Variants in ARHGEF7 observed in about 807,000 individuals in gnomAD.
ARHGEF7 encodes Rho guanine nucleotide exchange factor 7, also known as PAK-interacting exchange factor beta.
Under a neutral mutation model 109.8 loss-of-function variants are expected in ARHGEF7, and 33 were observed. That is an observed-to-expected ratio of 0.30 (90% confidence interval 0.23 to 0.40). The LOEUF is 0.40. Among genes scored for constraint, ARHGEF7 ranks in the 10% least tolerant of loss-of-function variants. ARHGEF7 has a pLI of 1.00. For synonymous variants in ARHGEF7, 458 were observed against 424.6 expected, an observed-to-expected ratio of 1.08 and a Z score of -0.97; for missense variants, 938 against 1,098.5, an observed-to-expected ratio of 0.85 and a Z score of 2.07.
intron 19 of ARHGEF7, chr13:111,295,131 G>A (rs974960938): frequency 1.2e-5 from 12 of 983,992 alleles, no homozygotes; most frequent in Admixed American, 6.2e-5. Flanking sequence ...TGGCAATGAA[G>A]TGTTTGTTTT....
chr13:111,261,655 T>C (rs918203662), intron 8 of ARHGEF7, among the ~76,000 whole-genome samples: 1 of 152,238 alleles, frequency 6.6e-6, no homozygotes, highest in Non-Finnish European at 1.5e-5. Flanking sequence ...GAATGCACAT[T>C]CTTTTCTTAG....
chr13:111,297,263 A>G (rs891075973), intron 19 of ARHGEF7, among the ~76,000 whole-genome samples: 1 of 152,260 alleles, frequency 6.6e-6, no homozygotes, highest in Admixed American at 6.5e-5. Context: ...AGGCGTGTTA[A>G]TAATCCTCAT....
chr13:111,250,861 A>T (rs1223753057), intron 8 of ARHGEF7, among the ~76,000 whole-genome samples: 2 of 152,210 alleles, frequency 1.3e-5, no homozygotes, highest in African/African-American at 4.8e-5. Flanking sequence ...TAGAAGAAAG[A>T]TGTAGGGTAA....
rs183814005 is a variant in ARHGEF7 at position 111,118,435 on chromosome 13, A to G, written c.165+2744A>G. 5.3e-5 allele frequency among the ~76,000 whole-genome samples: 8 copies of G among 152,324 alleles called. No individual in the cohort carries two copies. In the East Asian group the frequency reaches 1.2e-3, roughly 22 times the overall value. On this transcript the variant is annotated intron_variant, in intron 1 of 21. Coordinates refer to ENST00000646102, the MANE Select transcript of ARHGEF7 (RefSeq NM_001354046.2). ...TCAGAAAAGAGACACTTTTCATTAT[A>G]CTGGACAGATGTTTTCTGCTGTAGG... is the stretch of plus-strand genomic sequence containing the variant.
At position 111,115,398 on chromosome 13, in the gene ARHGEF7, CCGAGCCAATCGCCGGCGCCGGCCG is replaced by C; in HGVS notation, c.-127_-104del. 1.6e-6 allele frequency: 1 copy of C among 609,298 alleles called. No individual in the cohort carries two copies. The highest frequency in any genetic ancestry group is 2.0e-6 in the Non-Finnish European group (1 of 489,270). The allele number at this position is 609,298 out of a possible 1,614,324, so 37.7% of individuals were successfully genotyped here. A position where few individuals can be genotyped will look rare whatever the true frequency, so the allele number is the denominator to read the frequency against. On this transcript the variant is annotated 5_prime_UTR_variant, in exon 1 of 22. Transcript: ENST00000646102. ...GCCGGGCCGGACCTGCTGGGCCGCG[CCGAGCCAATCGCCGGCGCCGGCCG>C]CTCGATGGGCGAGGCGGCGGCGGCG...
At chr13:111,184,557 G>A (rs1396560156) in intron 2 of ARHGEF7, among the ~76,000 whole-genome samples, 1 of 152,206 alleles carries the variant, frequency 6.6e-6, no homozygotes, top group Non-Finnish European at 1.5e-5. Context: ...TAGCCGGTCT[G>A]CCTCCTCTCT....
At chr13:111,171,560 C>T (rs2077595759) in intron 2 of ARHGEF7, among the ~76,000 whole-genome samples, 1 of 152,176 alleles carries the variant, frequency 6.6e-6, no homozygotes, top group African/African-American at 2.4e-5. Context: ...AGGAAGTTGG[C>T]TCATTATGTA....
chr13:111,286,394 A>G (rs2093020414), intron 17 of ARHGEF7, among the ~76,000 whole-genome samples, 154 bp downstream of exon 17: 1 of 152,144 alleles, frequency 6.6e-6, no homozygotes, highest in Non-Finnish European at 1.5e-5. Context: ...AAGCCACGTA[A>G]CATTTACCCA....
chr13:111,241,642 AG>A (rs1331107930), intron 6 of ARHGEF7, among the ~76,000 whole-genome samples: 1 of 152,240 alleles, frequency 6.6e-6, no homozygotes, highest in African/African-American at 2.4e-5. Flanking sequence ...TTCTACAACC[AG>A]CGCTTAGTGC....
intron 8 of ARHGEF7, among the ~76,000 whole-genome samples, chr13:111,249,508 C>T (rs1281238400): frequency 6.6e-6 from 1 of 151,784 alleles, no homozygotes; most frequent in Non-Finnish European, 1.5e-5. Context: ...TGTGAGCCTC[C>T]GATTGGCCTC....
chr13:111,120,793 A>T (rs1415824504), intron 1 of ARHGEF7, among the ~76,000 whole-genome samples: 1 of 152,188 alleles, frequency 6.6e-6, no homozygotes, highest in Non-Finnish European at 1.5e-5. Flanking sequence ...TCTCGTTTGC[A>T]GGCGCTGTCC....
chr13:111,166,566 C>T (rs78909819), intron 2 of ARHGEF7, among the ~76,000 whole-genome samples: 1 of 152,158 alleles, frequency 6.6e-6, no homozygotes, highest in East Asian at 1.9e-4. Context: ...GCAGGAGAGA[C>T]TGAATTCTAG....
intron 6 of ARHGEF7, among the ~76,000 whole-genome samples, chr13:111,236,947 C>T (rs547304321): frequency 2.0e-5 from 3 of 152,294 alleles, no homozygotes; most frequent in Middle Eastern, 3.4e-3. Context: ...GCCTGAGCTA[C>T]AGAACAAGAT....
rs2153537128 is a variant in ARHGEF7, at chr13:111,239,127, T to C, written c.760-4745T>C. On this transcript the variant is annotated intron_variant, in intron 6 of 21. Coordinates refer to ENST00000646102, the MANE Select transcript of ARHGEF7 (RefSeq NM_001354046.2). This position sits in a 1 kb window ranked among gnomAD's most constrained non-coding sequence, Gnocchi z 4.3. ...AGGGGAACGCGCTGCGTGCCCCTGC[T>C]CCCCCACACCCCCGTGCCATGATTC... Among the ~76,000 whole-genome samples, 1 of 151,854 alleles carries C rather than the reference T, an allele frequency of 6.6e-6. No individual in the cohort carries two copies. The highest frequency in any genetic ancestry group is 2.1e-4 in the South Asian group (1 of 4,790).
At chr13:111,179,014 T>G (rs1376141543) in intron 2 of ARHGEF7, among the ~76,000 whole-genome samples, 1 of 151,914 alleles carries the variant, frequency 6.6e-6, no homozygotes. Context: ...GTTGGGAGAC[T>G]AGAGTTCGGT....
chr13:111,139,436 C>T (rs2075243705), intron 1 of ARHGEF7, among the ~76,000 whole-genome samples: 1 of 152,250 alleles, frequency 6.6e-6, no homozygotes, highest in South Asian at 2.1e-4. Flanking sequence ...ATGTCTCTGT[C>T]TCTCTCATCT....
intron 5 of ARHGEF7, among the ~76,000 whole-genome samples, chr13:111,225,990 C>G (rs1420110703): frequency 1.3e-5 from 2 of 152,158 alleles, no homozygotes; most frequent in Admixed American, 6.5e-5. Context: ...AAAGCTAGGC[C>G]TGTTGCACCA....
chr13:111,279,503 T>C (rs2092671072), intron 13 of ARHGEF7, among the ~76,000 whole-genome samples: 1 of 152,270 alleles, frequency 6.6e-6, no homozygotes, highest in Admixed American at 6.5e-5. Context: ...TGTAGAATCC[T>C]GCTCCGCAGC....
rs2093547263 is a variant in ARHGEF7 at position 111,300,770 on chromosome 13, A to T, written c.2334A>T (p.Pro778=). The T allele has an allele frequency of 6.2e-7, 1 of 1,611,824 alleles. No individual in the cohort carries two copies. The change falls in exon 20 of 22, where the codon CCA becomes CCT. Residue 778 remains proline (P), a synonymous_variant. Coordinates refer to ENST00000646102, the MANE Select transcript of ARHGEF7 (RefSeq NM_001354046.2). ...STSRSRKESA[P]QVLLPEEEKI... is the part of the protein sequence containing the mutation. ...TAGGTTCACGCAAAGAATCTGCTCC[A>T]CAAGTTTTGCTTCCAGAAGAAGAGA...
Sources: allele counts gnomAD v4.1 joint callset (sites outside exome capture counted in the v4.1 genomes callset), GRCh38; gene constraint gnomAD v4.1.1; non-coding constraint Gnocchi (gnomAD v3.1); transcripts MANE v1.5; gene names NCBI Gene and HGNC (gene_info 2026-07-23, HGNC 2026-07-21).